The following TNK2 variants were observed in gnomAD, a reference collection of about 807,000 sequenced individuals.
TNK2 encodes the protein activated CDC42 kinase 1.
In TNK2, 83 loss-of-function variants were observed where a neutral mutation model predicts 101.8. The ratio of observed to expected loss-of-function variants is 0.82; its 90% CI spans 0.68 to 0.98. The LOEUF (loss-of-function observed/expected upper bound fraction) is 0.98, where lower values mean the gene tolerates loss of function less well. Among genes scored for constraint, TNK2 ranks in the 50% least tolerant of loss-of-function variants. The pLI is 0.00. For missense variants in TNK2, 1,665 were observed against 1,483.2 expected, an observed-to-expected ratio of 1.12 and a Z score of -2.01; for synonymous variants, 804 against 633.0, an observed-to-expected ratio of 1.27 and a Z score of -4.06.
chr3:195,884,999 G>A lies in TNK2; in HGVS notation c.269C>T (p.Pro90Leu). Residue 90 changes from proline (P) to leucine (L), a missense_variant, in exon 4 of 16, where the codon CCA (proline) becomes CTA (leucine). By Grantham distance (98) the Pro-to-Leu change is moderately conservative. Coordinates refer to ENST00000672887, the MANE Select transcript of TNK2 (RefSeq NM_001382273.1). Reference protein sequence around the residue: ...FSGKRLEAEFPPHHSQSTFRK... With the variant: ...FSGKRLEAEFLPHHSQSTFRK... ...GAAGGTGCTCTGAGAGTGATGAGGT[G>A]GGAACTCAGCCTCCAGTCGCTTTCC... The A allele has an allele frequency of 1.2e-6, 2 of 1,608,554 alleles. No individual in the cohort carries two copies. The highest frequency in any genetic ancestry group is 1.7e-6 in the Non-Finnish European group (2 of 1,176,666).
At position 195,878,943 on chromosome 3, in the gene TNK2, G is replaced by A. The variant is rs1055283628; in HGVS notation, c.1014+106C>T. The A allele has an allele frequency of 4.6e-6, 7 of 1,529,216 alleles. No homozygotes were observed. In the African/African-American group the frequency reaches 9.5e-5, roughly 21 times the overall value. The allele number at this position is 1,529,216 out of a possible 1,614,324, so 94.7% of individuals were successfully genotyped here. Reference sequence around the variant, plus strand: ...AAGTGGGGGGAGGCACGGGGCGTGGGAGGAGGGAGTCCATTGGTGAGAGGC... The same window carrying A: ...AAGTGGGGGGAGGCACGGGGCGTGGAAGGAGGGAGTCCATTGGTGAGAGGC... On this transcript the variant is annotated intron_variant, in intron 7 of 15. Transcript: ENST00000672887. The surrounding 1 kb of genome is among the most constrained non-coding windows in gnomAD (Gnocchi z 4.7).
Position 195,878,189 on chromosome 3 carries a change from C to T in TNK2, c.1256+64G>A, listed in dbSNP as rs1319123176. ...CTTGGAGGCCAAACAGATCTGTCCA[C>T]AGGTCCCTCCGACCTGTGCCCTTCA... On this transcript the variant is annotated intron_variant, in intron 9 of 15. Transcript: ENST00000672887. This position sits in a 1 kb window ranked among gnomAD's most constrained non-coding sequence, Gnocchi z 4.7. 4 of 1,548,596 alleles carry T rather than the reference C, an allele frequency of 2.6e-6. No homozygotes were observed. The highest frequency in any genetic ancestry group is 3.6e-6 in the Non-Finnish European group (4 of 1,121,214).
intron 1 of TNK2, among the ~76,000 whole-genome samples, chr3:195,900,175 G>T (rs1172987834): frequency 6.6e-6 from 1 of 152,046 alleles, no homozygotes; most frequent in Non-Finnish European, 1.5e-5. Flanking sequence ...ACTGCGAAGG[G>T]GTGCTGGGGC....
At chr3:195,898,902 C>G (rs536833616) in intron 1 of TNK2, among the ~76,000 whole-genome samples, 60 of 152,272 alleles carry the variant, frequency 3.9e-4, no homozygotes, top group African/African-American at 1.3e-3. Flanking sequence ...CGAGACCAGC[C>G]TGGCCAATAT....
At chr3:195,904,121 G>A (rs1761497870) in intron 1 of TNK2, among the ~76,000 whole-genome samples, 1 of 152,044 alleles carries the variant, frequency 6.6e-6, no homozygotes, top group Admixed American at 6.6e-5. Flanking sequence ...AGCCAGGCAT[G>A]GTGGTACACA....
chr3:195,888,494 A>T lies in TNK2; in HGVS notation c.95T>A (p.Val32Asp), dbSNP rs1398430273. 1 of 1,613,790 alleles carries T rather than the reference A, an allele frequency of 6.2e-7. No individual in the cohort carries two copies. Among genetic ancestry groups the T allele is most frequent in the East Asian group, 2.2e-5 (1 of 44,870 alleles). Residue 32 changes from valine to aspartate, a missense_variant, in exon 2 of 16, where the codon GTC (valine) becomes GAC (aspartate). Transcript: ENST00000672887. The surrounding 1 kb of genome is among the most constrained non-coding windows in gnomAD (Gnocchi z 5.3). ...GTACTCAAAGTGGGACAGGCGGGTG[A>T]CGTTGAGGTCATCTCGGAGCCGCAG... ...YFLRLRDDLN[V>D]TRLSHFEYVK...
chr3:195,885,969 A>G lies in TNK2; in HGVS notation c.235-936T>C, dbSNP rs1487935446. 5.5e-6 allele frequency: 1 copy of G among 182,880 alleles called. No individual in the cohort carries two copies. Among genetic ancestry groups the G allele is most frequent in the Non-Finnish European group, 1.1e-5 (1 of 87,048 alleles). 11.3% of individuals were successfully genotyped at this position (182,880 alleles called of 1,614,324 possible). On this transcript the variant is annotated intron_variant, in intron 3 of 15. Transcript: ENST00000672887. This position sits in a 1 kb window ranked among gnomAD's most constrained non-coding sequence, Gnocchi z 4.7. ...TTCCTCCCAGTAACTAGAATTCCTT[A>G]TGTTTGCAAGCAATGTTCAGGTTAC...
chr3:195,866,873 T>C lies in TNK2; in HGVS notation c.3161+16A>G, dbSNP rs749426516. The C allele has an allele frequency of 1.2e-6, 2 of 1,608,360 alleles. No homozygotes were observed. The highest frequency in any genetic ancestry group is 8.5e-7 in the Non-Finnish European group (1 of 1,178,018). On this transcript the variant is annotated intron_variant, in intron 15 of 15. Coordinates refer to ENST00000672887, the MANE Select transcript of TNK2 (RefSeq NM_001382273.1). ...TCCTGGGGCACGGAGCGGGGCAGAC[T>C]GTGGGGCTCACTCACTTGTGGTGGG...
chr3:195,886,821 C>A lies in TNK2; in HGVS notation c.234+156G>T, dbSNP rs1440779639. ...CCCAGCAGCTCTACAAGTGCCCTGC[C>A]CGATAAGACCCTGGACGAGGGGGTC... is the stretch of plus-strand genomic sequence containing the variant. On this transcript the variant is annotated intron_variant, in intron 3 of 15. Transcript: ENST00000672887. The surrounding 1 kb of genome is among the most constrained non-coding windows in gnomAD (Gnocchi z 4.2). Among the ~76,000 whole-genome samples the A allele has an allele frequency of 6.6e-6, 1 of 152,194 alleles. No individual in the cohort carries two copies. The highest frequency in any genetic ancestry group is 1.5e-5 in the Non-Finnish European group (1 of 68,038).
rs762882570 is a variant in TNK2 at position 195,888,520 on chromosome 3, G to A, written c.69C>T (p.Phe23=). 2 of 1,613,676 alleles carry A rather than the reference G, an allele frequency of 1.2e-6. No homozygotes were observed. Among genetic ancestry groups the A allele is most frequent in the East Asian group, 2.2e-5 (1 of 44,890 alleles). Residue 23 remains phenylalanine (F), a synonymous_variant, in exon 2 of 16, where the codon TTC becomes TTT. Coordinates refer to ENST00000672887, the MANE Select transcript of TNK2 (RefSeq NM_001382273.1). The surrounding 1 kb of genome is among the most constrained non-coding windows in gnomAD (Gnocchi z 5.3). ...CGTTGAGGTCATCTCGGAGCCGCAGGAAGTACTGTTGCAGCTGCACCTCGG... is the reference window on the plus strand; with the variant it reads ...CGTTGAGGTCATCTCGGAGCCGCAGAAAGTACTGTTGCAGCTGCACCTCGG... ...LLSEVQLQQY[F]LRLRDDLNVT...
At position 195,883,279 on chromosome 3, in the gene TNK2, C is replaced by T. The variant is rs753750642; in HGVS notation, c.487G>A (p.Asp163Asn). ...ATGGCTTCTGGCTGGCTCAGGACAT[C>T]GGGCTTCAGGCACTTCACAGCCACA... The part of the protein sequence containing the change: ...VSVAVKCLKP[D>N]VLSQPEAMDD... The change falls in exon 5 of 16, where the codon GAT becomes AAT. Residue 163 changes from aspartate (D) to asparagine (N), a missense_variant. By Grantham distance (23) the Asp-to-Asn change is conservative. Transcript: ENST00000672887. 18 of 1,613,396 alleles carry T rather than the reference C, an allele frequency of 1.1e-5. No individual in the cohort carries two copies. The highest frequency in any genetic ancestry group is 8.8e-5 in the South Asian group (8 of 91,076).
In TNK2 at chr3:195,885,844, T is replaced by C. The variant is rs1336006496; in HGVS notation, c.235-811A>G. 3.1e-6 allele frequency: 1 copy of C among 322,350 alleles called. No homozygotes were observed. Among genetic ancestry groups the C allele is most frequent in the African/African-American group, 2.2e-5 (1 of 45,982 alleles). 20.0% of individuals were successfully genotyped at this position (322,350 alleles called of 1,614,324 possible). ...AGCCTTGGCTCCAGATTGCAGATTC[T>C]TGCCAGCTTGGGTCTCACGCCCCCA... On this transcript the variant is annotated intron_variant, in intron 3 of 15. Transcript: ENST00000672887. This position sits in a 1 kb window ranked among gnomAD's most constrained non-coding sequence, Gnocchi z 4.7.
chr3:195,870,897 T>A (rs1744661729), intron 10 of TNK2, among the ~76,000 whole-genome samples: 1 of 151,996 alleles, frequency 6.6e-6, no homozygotes, highest in African/African-American at 2.4e-5. Context: ...GGTTCCAGTG[T>A]GTGTGGGCCC....
In TNK2 at chr3:195,864,982, G is replaced by C. The variant is rs1327538541; in HGVS notation, c.3162-795C>G. The stretch of plus-strand genomic sequence containing the variant: ...AGATGCAAATCAGTAAGAACCACCC[G>C]AGACAGCGACAGACAGGTGACAGCG... On this transcript the variant is annotated intron_variant, in intron 15 of 15. Transcript: ENST00000672887. Among the ~76,000 whole-genome samples the C allele has an allele frequency of 4.5e-5, 6 of 132,674 alleles. No homozygotes were observed. In the East Asian group the frequency reaches 6.6e-4, roughly 15 times the overall value. The allele number at this position is 132,674 out of a possible 152,430, so 87.0% of individuals were successfully genotyped here. A position where few individuals can be genotyped will look rare whatever the true frequency, so the allele number is the denominator to read the frequency against.
Position 195,884,881 on chromosome 3 carries a change from C to T in TNK2, c.387G>A (p.Leu129=), listed in dbSNP as rs1271644596. The T allele has an allele frequency of 1.9e-6, 3 of 1,613,970 alleles. No homozygotes were observed. Among genetic ancestry groups the T allele is most frequent in the Admixed American group, 3.3e-5 (2 of 60,026 alleles). Reference sequence around the variant, plus strand: ...CAAAGGAACCATCACCCAGCTTCTCCAGGAGGCGCAGGTCCTTCTCCCCAA... The same window carrying T: ...CAAAGGAACCATCACCCAGCTTCTCTAGGAGGCGCAGGTCCTTCTCCCCAA... ...CLIGEKDLRL[L]EKLGDGSFGV... Residue 129 remains leucine (L), a synonymous_variant, in exon 4 of 16, where the codon CTG becomes CTA. Coordinates refer to ENST00000672887, the MANE Select transcript of TNK2 (RefSeq NM_001382273.1).
intron 1 of TNK2, among the ~76,000 whole-genome samples, chr3:195,906,091 T>C (rs1761687240): frequency 6.6e-6 from 1 of 151,988 alleles, no homozygotes; most frequent in Non-Finnish European, 1.5e-5. Context: ...CATGAGTCAT[T>C]AAGGAAATAC....
chr3:195,890,536 A>G (rs1483927563), intron 1 of TNK2, among the ~76,000 whole-genome samples: 1 of 144,850 alleles, frequency 6.9e-6, no homozygotes, highest in Non-Finnish European at 1.5e-5. Context: ...TTGCAAACTC[A>G]GCCTCCCGGG....
intron 1 of TNK2, among the ~76,000 whole-genome samples, chr3:195,901,193 G>A (rs1209751355): frequency 1.3e-5 from 2 of 152,196 alleles, no homozygotes; most frequent in Non-Finnish European, 2.9e-5. Flanking sequence ...TGACCTTGAA[G>A]AGCCCGGGAC....
chr3:195,884,815 C>T lies in TNK2; in HGVS notation c.453G>A (p.Lys151=). 6.2e-7 allele frequency: 1 copy of T among 1,609,550 alleles called. No homozygotes were observed. Among genetic ancestry groups the T allele is most frequent in the Non-Finnish European group, 8.5e-7 (1 of 1,178,940 alleles). The part of the protein sequence containing the change: ...RRGEWDAPSG[K]TVSVAVKCLK... ...TGGCAGGACACAGAGAGCTCACCGT[C>T]TTCCCTGAGGGCGCGTCCCACTCGC... is the stretch of plus-strand genomic sequence containing the variant. The change falls in exon 4 of 16, where the codon AAG becomes AAA. Residue 151 remains lysine, a synonymous_variant. Coordinates refer to ENST00000672887, the MANE Select transcript of TNK2 (RefSeq NM_001382273.1).
Sources: allele counts gnomAD v4.1 joint callset (sites outside exome capture counted in the v4.1 genomes callset), GRCh38; gene constraint gnomAD v4.1.1; non-coding constraint Gnocchi (gnomAD v3.1); transcripts MANE v1.5; gene names NCBI Gene and HGNC (gene_info 2026-07-23, HGNC 2026-07-21).